Variants in ITIH5 observed in about 807,000 individuals in gnomAD.
The protein encoded by ITIH5 is inter-alpha-trypsin inhibitor heavy chain H5.
A neutral mutation model predicts 77.5 loss-of-function variants in ITIH5; 65 were observed. The observed-to-expected ratio is 0.84, with a 90% CI of 0.69 to 1.03. ITIH5 has a LOEUF of 1.03. Among genes scored for constraint, ITIH5 ranks in the 50% least tolerant of loss-of-function variants. The probability of loss-of-function intolerance (pLI) is 0.00; values close to 1 mark genes in which losing one functional copy is unlikely to be tolerated. For synonymous variants in ITIH5, 525 were observed against 494.3 expected, an observed-to-expected ratio of 1.06 and a Z score of -0.82; for missense variants, 1,208 against 1,213.1, an observed-to-expected ratio of 1.00 and a Z score of 0.06.
chr10:7,662,508 A>G (rs1054937395), intron 1 of ITIH5, among the ~76,000 whole-genome samples: 2 of 152,044 alleles, frequency 1.3e-5, no homozygotes, highest in East Asian at 1.9e-4. Flanking sequence ...AAATCGACCT[A>G]CTCCACTGCT....
intron 7 of ITIH5, among the ~76,000 whole-genome samples, chr10:7,612,349 C>T (rs1416015043): frequency 6.6e-6 from 1 of 152,208 alleles, no homozygotes; most frequent in African/African-American, 2.4e-5. Context: ...ATTAGCCATA[C>T]TTCACTTGCT....
At position 7,569,726 on chromosome 10, in the gene ITIH5, G is replaced by A. The variant is rs762752901; in HGVS notation, c.2091C>T (p.Phe697=). 47 of 1,613,260 alleles carry A rather than the reference G, an allele frequency of 2.9e-5. No individual in the cohort carries two copies. Among genetic ancestry groups the A allele is most frequent in the Middle Eastern group, 1.6e-4 (1 of 6,080 alleles). ...TGTCCCCGGGCTGCCCATCAATGTTGAAGCACACGGTGAGTCTGCTCAGGG... is the reference window on the plus strand; with the variant it reads ...TGTCCCCGGGCTGCCCATCAATGTTAAAGCACACGGTGAGTCTGCTCAGGG... ...DFPLSRLTVC[F]NIDGQPGDIL... is the part of the protein sequence containing the mutation. The change falls in exon 12 of 14, where the codon TTC becomes TTT. Residue 697 remains phenylalanine, a synonymous_variant. Coordinates refer to ENST00000397146, the MANE Select transcript of ITIH5 (RefSeq NM_030569.7).
At chr10:7,599,990 G>C (rs538602663) in intron 7 of ITIH5, among the ~76,000 whole-genome samples, 100 of 152,260 alleles carry the variant, frequency 6.6e-4, no homozygotes, top group African/African-American at 2.2e-3. Context: ...GGGATTGAGA[G>C]GTGCTCTGGT....
intron 1 of ITIH5, among the ~76,000 whole-genome samples, chr10:7,661,019 C>T (rs187328556): frequency 6.6e-6 from 1 of 152,336 alleles, no homozygotes; most frequent in East Asian, 1.9e-4. Flanking sequence ...TGAGCTCTGC[C>T]TCCTAATGCT....
chr10:7,580,987 C>T (rs868028657), intron 8 of ITIH5, among the ~76,000 whole-genome samples: 7 of 152,092 alleles, frequency 4.6e-5, no homozygotes, highest in East Asian at 3.9e-4. Context: ...CAGCCAGGCA[C>T]GGTGGCTCAT....
chr10:7,655,866 A>G (rs1834173970), intron 1 of ITIH5, among the ~76,000 whole-genome samples, 191 bp from the exon 2 acceptor site: 1 of 152,196 alleles, frequency 6.6e-6, no homozygotes. Context: ...CCAGAATTAG[A>G]ATTCATCCCT....
At chr10:7,612,109 A>G (rs1328536519) in intron 7 of ITIH5, among the ~76,000 whole-genome samples, 3 of 152,190 alleles carry the variant, frequency 2.0e-5, no homozygotes, top group Non-Finnish European at 4.4e-5. Context: ...TCCAATTCTA[A>G]GAATCTAATT....
intron 10 of ITIH5, among the ~76,000 whole-genome samples, chr10:7,574,788 A>G (rs1358568514): frequency 1.6e-4 from 15 of 91,416 alleles, no homozygotes; most frequent in Non-Finnish European, 2.5e-4. Context: ...GCGAGACTCC[A>G]TCTCGGAAAA....
At chr10:7,565,381 T>C (rs1013153866) in intron 13 of ITIH5, among the ~76,000 whole-genome samples, 3 of 149,512 alleles carry the variant, frequency 2.0e-5, no homozygotes, top group Non-Finnish European at 4.4e-5. Context: ...TATGTATGTA[T>C]ATATACACAC....
At chr10:7,666,733 T>C in intron 1 of ITIH5, 70 bp downstream of exon 1, 1 of 1,310,032 alleles carries the variant, frequency 7.6e-7, no homozygotes, top group Non-Finnish European at 1.1e-6. Flanking sequence ...GGGCAGAAGC[T>C]CCGCGGCCGG....
chr10:7,665,069 G>T (rs1429645407), intron 1 of ITIH5, among the ~76,000 whole-genome samples: 1 of 152,136 alleles, frequency 6.6e-6, no homozygotes, highest in Non-Finnish European at 1.5e-5. Flanking sequence ...AAAATTGCAA[G>T]TTCATAGAAC....
chr10:7,655,735 T>C, intron 1 of ITIH5, 60 bp from the exon 2 acceptor site: 1 of 1,294,938 alleles, frequency 7.7e-7, no homozygotes, highest in Non-Finnish European at 1.1e-6. Context: ...ACATGAAATA[T>C]GATTGTGAGG....
chr10:7,615,577 T>A lies in ITIH5; in HGVS notation c.939+405A>T, dbSNP rs147872075. Among the ~76,000 whole-genome samples the A allele has an allele frequency of 4.6e-4, 70 of 152,312 alleles. 1 individual carries two copies. The East Asian group carries it at 5.2e-3, about 11-fold the overall frequency. The stretch of plus-strand genomic sequence containing the variant: ...TTCATCCTAAATTTTGTGACATCAG[T>A]CCTGACTTACTGTGACCTGAGTTCT... On this transcript the variant is annotated intron_variant, in intron 7 of 13. Transcript: ENST00000397146.
chr10:7,655,485 G>A, intron 2 of ITIH5, 146 bp downstream of exon 2: 2 of 566,452 alleles, frequency 3.5e-6, no homozygotes, highest in Non-Finnish European at 6.2e-6. Flanking sequence ...CCTTATAAAA[G>A]ACTCAACTAT....
In ITIH5 at chr10:7,559,962, C is replaced by T. The variant is rs1315684070; in HGVS notation, c.*3121G>A. Reference sequence around the variant, plus strand: ...CGACTGCCTGGTTCAAGCGATTCTCCTGCCTCAGCCTCCCAAGTAGCTGGA... The same window carrying T: ...CGACTGCCTGGTTCAAGCGATTCTCTTGCCTCAGCCTCCCAAGTAGCTGGA... On this transcript the variant is annotated 3_prime_UTR_variant, in exon 14 of 14. Transcript: ENST00000397146. 4.9e-6 allele frequency: 2 copies of T among 409,740 alleles called. No homozygotes were observed. Among genetic ancestry groups the T allele is most frequent in the African/African-American group, 4.2e-5 (2 of 47,146 alleles). 25.4% of individuals were successfully genotyped at this position (409,740 alleles called of 1,614,324 possible).
intron 7 of ITIH5, among the ~76,000 whole-genome samples, chr10:7,614,791 T>G (rs1833330827): frequency 6.6e-6 from 1 of 152,024 alleles, no homozygotes. Flanking sequence ...AAGTAGTAGA[T>G]TGAGATTGAG....
intron 2 of ITIH5, among the ~76,000 whole-genome samples, chr10:7,644,843 TATATATCACATATGTATCAC>T: frequency 7.3e-6 from 1 of 137,730 alleles, no homozygotes; most frequent in African/African-American, 2.8e-5. Context: ...ATATATCACA[TATATATCACATATGTATCAC>T]ATATATATCA....
In ITIH5 at chr10:7,566,417, C is replaced by A. The variant is rs571353166; in HGVS notation, c.2150-10G>T. 8.0e-5 allele frequency: 126 copies of A among 1,582,854 alleles called. 1 individual carries two copies. In the South Asian group the frequency reaches 1.3e-3, roughly 17 times the overall value. On this transcript the variant is annotated splice_polypyrimidine_tract_variant and intron_variant, in intron 12 of 13. Coordinates refer to ENST00000397146, the MANE Select transcript of ITIH5 (RefSeq NM_030569.7). ...CCGTTCACTGTGACACCTCAAAGGC[C>A]AAGGGGAAAAGAAGAAGGTTAGAAA...
rs763097885 is a variant in ITIH5, at chr10:7,563,311, C to G, written c.2601G>C (p.Leu867=). Residue 867 remains leucine (L), a synonymous_variant, in exon 14 of 14, where the codon CTG becomes CTC. Transcript: ENST00000397146. The part of the protein sequence containing the change: ...AGPSQNLTHP[L]LLQVGEGPEA... Reference sequence around the variant, plus strand: ...CAGGCCCCTCTCCCACCTGAAGGAGCAGAGGGTGAGTGAGGTTCTGGCTGG... The same window carrying G: ...CAGGCCCCTCTCCCACCTGAAGGAGGAGAGGGTGAGTGAGGTTCTGGCTGG... The G allele has an allele frequency of 8.7e-6, 14 of 1,614,058 alleles. No individual in the cohort carries two copies. The highest frequency in any genetic ancestry group is 1.1e-5 in the Non-Finnish European group (13 of 1,180,010).
Sources: allele counts gnomAD v4.1 joint callset (sites outside exome capture counted in the v4.1 genomes callset), GRCh38; gene constraint gnomAD v4.1.1; transcripts MANE v1.5; gene names NCBI Gene and HGNC (gene_info 2026-07-23, HGNC 2026-07-21).